Variants in AIRE observed in about 807,000 individuals in gnomAD.
AIRE encodes autoimmune polyendocrinopathy candidiasis ectodermal dystrophy protein.
In AIRE, 52 loss-of-function variants were observed where a neutral mutation model predicts 62.1. That is an observed-to-expected ratio of 0.84 (90% CI 0.67 to 1.06). AIRE has a LOEUF of 1.06. Ranked by LOEUF, AIRE falls within the 50% of genes least tolerant of loss-of-function variation. The pLI, the probability that AIRE is intolerant of heterozygous loss-of-function variation, is 0.00. For missense variants in AIRE, 774 were observed against 755.8 expected, an observed-to-expected ratio of 1.02 and a Z score of -0.28; for synonymous variants, 342 against 321.6, an observed-to-expected ratio of 1.06 and a Z score of -0.68.
Position 44,297,940 on chromosome 21 carries a change from C to G in AIRE, c.*213C>G. ...CCCACTTCTCTACTCTGGAAGTCCCCGGGAGCCTCTCCTTGCCTGGTGACC... is the reference window on the plus strand; with the variant it reads ...CCCACTTCTCTACTCTGGAAGTCCCGGGGAGCCTCTCCTTGCCTGGTGACC... On this transcript the variant is annotated 3_prime_UTR_variant, in exon 14 of 14. Transcript: ENST00000291582. This position sits in a 1 kb window ranked among gnomAD's most constrained non-coding sequence, Gnocchi z 4.8. 1 of 579,180 alleles carries G rather than the reference C, an allele frequency of 1.7e-6. No homozygotes were observed. Among genetic ancestry groups the G allele is most frequent in the Non-Finnish European group, 3.1e-6 (1 of 320,072 alleles). 35.9% of individuals were successfully genotyped at this position (579,180 alleles called of 1,614,324 possible). A position where few individuals can be genotyped will look rare whatever the true frequency, so the allele number is the denominator to read the frequency against.
chr21:44,291,210 G>C lies in AIRE; in HGVS notation c.995G>C (p.Ser332Thr), dbSNP rs59281354. The change falls in exon 8 of 14, where the codon AGT (serine) becomes ACT (threonine). Residue 332 changes from serine to threonine, a missense_variant and splice_region_variant. By Grantham distance (58) the Ser-to-Thr change is moderately conservative. Around this residue, in one of 3 missense-constraint regions of AIRE, gnomAD observed 35 missense variants for 63.7 expected, o/e 0.55. Transcript: ENST00000291582. ...CLSPPLREIPSGTWRCSSCLQ... is the reference protein window; with the variant it reads ...CLSPPLREIPTGTWRCSSCLQ... ...TCCCCTCCGCTCCGGGAGATCCCCA[G>C]GTGAGCCTGCACCTCTGCCAGCGCA... The C allele has an allele frequency of 6.2e-7, 1 of 1,600,284 alleles. No homozygotes were observed. Among genetic ancestry groups the C allele is most frequent in the Non-Finnish European group, 8.5e-7 (1 of 1,179,644 alleles).
chr21:44,294,299 C>CAA, intron 11 of AIRE, 102 bp from the exon 12 acceptor site: 1 of 643,190 alleles, frequency 1.6e-6, no homozygotes, highest in Non-Finnish European at 2.6e-6. Flanking sequence ...CCCACACCCC[C>CAA]ATCCCCCACT....
At chr21:44,290,893 G>T in intron 7 of AIRE, 3 of 1,609,900 alleles carry the variant, frequency 1.9e-6, no homozygotes, top group African/African-American at 1.3e-5. Context: ...TGGCCCCGGG[G>T]GGTGTCTGTT....
At chr21:44,291,891 C>T (rs1035800723) in intron 8 of AIRE, among the ~76,000 whole-genome samples, 5 of 152,158 alleles carry the variant, frequency 3.3e-5, no homozygotes, top group Non-Finnish European at 5.9e-5. Flanking sequence ...GGTCATTGCT[C>T]GGCTCCTGAA....
At position 44,286,592 on chromosome 21, in the gene AIRE, C is replaced by T. The variant is rs754606990; in HGVS notation, c.168C>T (p.Pro56=). ...ATCTGAAGGAAAAGGAGGGCTGCCC[C>T]CAGGCCTTCCACGCCCTCCTGTCCT... ...TLHLKEKEGC[P]QAFHALLSWL... Residue 56 remains proline, a synonymous_variant, in exon 2 of 14, where the codon CCC becomes CCT. Transcript: ENST00000291582. This position sits in a 1 kb window ranked among gnomAD's most constrained non-coding sequence, Gnocchi z 6.0. 2.5e-6 allele frequency: 4 copies of T among 1,612,736 alleles called. No homozygotes were observed. In the South Asian group the frequency reaches 4.4e-5, roughly 18 times the overall value.
chr21:44,290,348 TG>T lies in AIRE; in HGVS notation c.879+283del, dbSNP rs1311030418. 2.0e-5 allele frequency: 20 copies of T among 985,418 alleles called. No homozygotes were observed. In the East Asian group the frequency reaches 2.0e-3, roughly 101 times the overall value. 61.0% of individuals were successfully genotyped at this position (985,418 alleles called of 1,614,324 possible). ...CGCTGCTCTCAGCTGGGCCCGTGGG[TG>T]GGCCGGGCGCCCCTGCTATAGCCAG... On this transcript the variant is annotated intron_variant, in intron 7 of 13. Transcript: ENST00000291582.
chr21:44,286,283 G>A lies in AIRE; in HGVS notation c.132+145G>A, dbSNP rs1390821484. The A allele has an allele frequency of 1.3e-5, 13 of 993,534 alleles. No homozygotes were observed. The highest frequency in any genetic ancestry group is 8.2e-5 in the African/African-American group (5 of 60,906). The allele number at this position is 993,534 out of a possible 1,614,324, so 61.5% of individuals were successfully genotyped here. The stretch of plus-strand genomic sequence containing the variant: ...TCCCTCCCCACAAGGAGCCAGGGGC[G>A]TCCCTGATGACAAGTTAGAAGTTGG... On this transcript the variant is annotated intron_variant, in intron 1 of 13. Coordinates refer to ENST00000291582, the MANE Select transcript of AIRE (RefSeq NM_000383.4). The surrounding 1 kb of genome is among the most constrained non-coding windows in gnomAD (Gnocchi z 6.0).
At position 44,287,124 on chromosome 21, in the gene AIRE, G is replaced by T; in HGVS notation, c.454G>T (p.Ala152Ser). The T allele has an allele frequency of 6.2e-7, 1 of 1,612,258 alleles. No homozygotes were observed. Among genetic ancestry groups the T allele is most frequent in the Non-Finnish European group, 8.5e-7 (1 of 1,179,872 alleles). ...AGCAGCCCTGACTCCAAGGGGCACC[G>T]CCAGCCCAGGTACCCTCCCTGCAGG... ...APAALTPRGT[A>S]SPGSQLKAKP... Residue 152 changes from alanine (A) to serine (S), a missense_variant, in exon 3 of 14, where the codon GCC (alanine) becomes TCC (serine). Ala to Ser is a moderately conservative substitution (Grantham distance 99). Around this residue, in one of 3 missense-constraint regions of AIRE, gnomAD observed 385 missense variants for 396.0 expected, o/e 0.97. Transcript: ENST00000291582. The surrounding 1 kb of genome is among the most constrained non-coding windows in gnomAD (Gnocchi z 4.3).
rs753460287 is a variant in AIRE at position 44,286,590 on chromosome 21, C to T, written c.166C>T (p.Pro56Ser). The change falls in exon 2 of 14, where the codon CCC (proline) becomes TCC (serine). Residue 56 changes from proline (P) to serine (S), a missense_variant. Pro to Ser is a moderately conservative substitution (Grantham distance 74, BLOSUM62 -1). Around this residue, in one of 3 missense-constraint regions of AIRE, gnomAD observed 385 missense variants for 396.0 expected, o/e 0.97. Transcript: ENST00000291582. The surrounding 1 kb of genome is among the most constrained non-coding windows in gnomAD (Gnocchi z 6.0). ...TCATCTGAAGGAAAAGGAGGGCTGCCCCCAGGCCTTCCACGCCCTCCTGTC... is the reference window on the plus strand; with the variant it reads ...TCATCTGAAGGAAAAGGAGGGCTGCTCCCAGGCCTTCCACGCCCTCCTGTC... ...TLHLKEKEGC[P>S]QAFHALLSWL... 5.1e-5 allele frequency: 83 copies of T among 1,612,592 alleles called. No homozygotes were observed. The highest frequency in any genetic ancestry group is 5.1e-5 in the Non-Finnish European group (60 of 1,179,860).
chr21:44,297,510 G>C lies in AIRE; in HGVS notation c.1567-146G>C. 1.3e-6 allele frequency: 1 copy of C among 755,350 alleles called. No homozygotes were observed. The highest frequency in any genetic ancestry group is 2.3e-6 in the Non-Finnish European group (1 of 433,990). The allele number at this position is 755,350 out of a possible 1,614,324, so 46.8% of individuals were successfully genotyped here. ...ACAGGACAGGGTCCTCCCCAGACTG[G>C]CCTGTGCCATGGGGCCTCGGGCCTC... On this transcript the variant is annotated intron_variant, in intron 13 of 13. Transcript: ENST00000291582. This position sits in a 1 kb window ranked among gnomAD's most constrained non-coding sequence, Gnocchi z 4.8.
chr21:44,293,329 C>CG (rs1038276662), intron 10 of AIRE, among the ~76,000 whole-genome samples, 154 bp downstream of exon 10: 1 of 37,696 alleles, frequency 2.7e-5, no homozygotes, highest in African/African-American at 9.9e-5. Context: ...TGGGGGGCTG[C>CG]GGGGGGAAGG....
chr21:44,290,155 C>G, intron 7 of AIRE, 87 bp downstream of exon 7: 1 of 1,543,600 alleles, frequency 6.5e-7, no homozygotes, highest in South Asian at 1.2e-5. Flanking sequence ...CCTGGGCACT[C>G]AGGGATGAGC....
At chr21:44,289,870 C>A in intron 6 of AIRE, 68 bp downstream of exon 6, 1 of 1,609,856 alleles carries the variant, frequency 6.2e-7, no homozygotes, top group South Asian at 1.1e-5. Flanking sequence ...AGCGTTGCCT[C>A]TGGGGGAGTG....
intron 8 of AIRE, among the ~76,000 whole-genome samples, chr21:44,291,525 G>A (rs550995300): frequency 5.9e-4 from 90 of 152,202 alleles, no homozygotes; most frequent in Non-Finnish European, 7.9e-4. Context: ...ATGGGTAGCC[G>A]GCCCCCACCC....
chr21:44,288,474 G>C lies in AIRE; in HGVS notation c.652+16G>C, dbSNP rs1403857111. The C allele has an allele frequency of 1.9e-6, 3 of 1,554,130 alleles. No individual in the cohort carries two copies. The African/African-American group carries it at 4.1e-5, about 21-fold the overall frequency. On this transcript the variant is annotated intron_variant, in intron 5 of 13. Coordinates refer to ENST00000291582, the MANE Select transcript of AIRE (RefSeq NM_000383.4). ...TTTGAGTCAGGTAGACGCTGTGGCG[G>C]GGAGATGGGGCTGATGGGGAGACCC...
rs2040497915 is a variant in AIRE at position 44,287,707 on chromosome 21, C to G, written c.538+116C>G. 4 of 1,117,876 alleles carry G rather than the reference C, an allele frequency of 3.6e-6. No individual in the cohort carries two copies. The highest frequency in any genetic ancestry group is 5.2e-6 in the Non-Finnish European group (4 of 762,532). The allele number at this position is 1,117,876 out of a possible 1,614,324, so 69.2% of individuals were successfully genotyped here. A position where few individuals can be genotyped will look rare whatever the true frequency, so the allele number is the denominator to read the frequency against. ...TCCTAGGGGCTGGGGACGTGCTGGC[C>G]TGGTGTGTCATTCCAAGGGCCTAAG... is the stretch of plus-strand genomic sequence containing the variant. On this transcript the variant is annotated intron_variant, in intron 4 of 13. Coordinates refer to ENST00000291582, the MANE Select transcript of AIRE (RefSeq NM_000383.4). The surrounding 1 kb of genome is among the most constrained non-coding windows in gnomAD (Gnocchi z 4.3).
intron 8 of AIRE, among the ~76,000 whole-genome samples, chr21:44,291,782 A>G (rs1270634277): frequency 6.6e-6 from 1 of 151,766 alleles, no homozygotes; most frequent in Admixed American, 6.6e-5. Flanking sequence ...TGCAGTGGGG[A>G]CCCACGTTCA....
chr21:44,290,221 A>AC, intron 7 of AIRE, 153 bp downstream of exon 7: 1 of 982,428 alleles, frequency 1.0e-6, no homozygotes, highest in South Asian at 4.7e-5. Context: ...AATAGACAGT[A>AC]TTTTTTTCCT....
At position 44,294,502 on chromosome 21, in the gene AIRE, A is replaced by C. The variant is rs1368481589; in HGVS notation, c.1502A>C (p.Lys501Thr). ...SPARLAPGPA[K>T]DDTASHEPAL... ...GCCCGCCTGGCCCCTGGGCCTGCCA[A>C]GGTCAGTGCCGCAGGGGCCCTCCAT... Residue 501 changes from lysine to threonine, a missense_variant and splice_region_variant, in exon 12 of 14, where the codon AAG becomes ACG. Physicochemically the swap from Lys to Thr is moderately conservative, Grantham distance 78. Transcript: ENST00000291582. 7 of 1,482,248 alleles carry C rather than the reference A, an allele frequency of 4.7e-6. No individual in the cohort carries two copies. In the South Asian group the frequency reaches 8.9e-5, roughly 19 times the overall value. The allele number at this position is 1,482,248 out of a possible 1,614,324, so 91.8% of individuals were successfully genotyped here.
Sources: gnomAD v4.1 joint callset for allele counts (sites outside exome capture counted in the v4.1 genomes callset) on GRCh38, gnomAD v4.1.1 for gene constraint, gnomAD v4.1.1 regional missense constraint, Gnocchi (gnomAD v3.1) non-coding constraint, MANE v1.5 for transcripts, NCBI Gene and HGNC (gene_info 2026-07-23, HGNC 2026-07-21) for gene names.